The following GPD2 variants were observed in gnomAD, a reference collection of about 807,000 sequenced individuals.
GPD2 encodes glycerol-3-phosphate dehydrogenase 2, also known as glycerol-3-phosphate dehydrogenase, mitochondrial.
GPD2 carries 54 observed loss-of-function variants against 82.4 expected under a neutral mutation model. The ratio of observed to expected loss-of-function variants is 0.66; its 90% CI spans 0.53 to 0.82. The LOEUF (loss-of-function observed/expected upper bound fraction) is 0.82. Ranked by LOEUF, GPD2 falls within the 40% of genes least tolerant of loss-of-function variation. The pLI is 0.00. For missense variants in GPD2, 748 were observed against 896.2 expected (o/e 0.83, Z 2.11); for synonymous variants, 288 against 306.1 (o/e 0.94, Z 0.62).
intron 8 of GPD2, among the ~76,000 whole-genome samples, chr2:156,551,743 A>G (rs1686766737): frequency 1.3e-5 from 2 of 152,214 alleles, no homozygotes; most frequent in South Asian, 2.1e-4. Flanking sequence ...ATGCCCTAGG[A>G]AAACACTAAT....
intron 6 of GPD2, among the ~76,000 whole-genome samples, chr2:156,522,967 A>AT (rs1406914323): frequency 6.6e-6 from 1 of 151,690 alleles, no homozygotes; most frequent in Non-Finnish European, 1.5e-5. Context: ...TCACAACAAA[A>AT]TTGAGAGAAA....
chr2:156,556,370 C>G (rs1488468219), intron 8 of GPD2, among the ~76,000 whole-genome samples: 1 of 152,146 alleles, frequency 6.6e-6, no homozygotes, highest in African/African-American at 2.4e-5. Flanking sequence ...TTGTAGTGTT[C>G]TACTTGAATA....
At chr2:156,449,480 G>A (rs1273150175) in intron 1 of GPD2, among the ~76,000 whole-genome samples, 2 of 152,140 alleles carry the variant, frequency 1.3e-5, no homozygotes, top group Non-Finnish European at 2.9e-5. Context: ...TAAATGCTAA[G>A]AAGATTTTGT....
chr2:156,558,137 C>T lies in GPD2; in HGVS notation c.1165+555C>T, dbSNP rs149501830. Reference sequence around the variant, plus strand: ...GGGCATTTCAACTTGACTGTCAGAGCATTTTCCTTGGTGATTTATATAGTT... The same window carrying T: ...GGGCATTTCAACTTGACTGTCAGAGTATTTTCCTTGGTGATTTATATAGTT... On this transcript the variant is annotated intron_variant, in intron 9 of 16. Coordinates refer to ENST00000438166, the MANE Select transcript of GPD2 (RefSeq NM_000408.5). Among the ~76,000 whole-genome samples, 20 of 152,282 alleles carry T rather than the reference C, an allele frequency of 1.3e-4. No homozygotes were observed. In the East Asian group the frequency reaches 1.7e-3, roughly 13 times the overall value.
chr2:156,424,101 G>T, the GPD2 span, among the ~76,000 whole-genome samples: 2 of 151,988 alleles, frequency 1.3e-5, no homozygotes, highest in African/African-American at 2.4e-5. Context: ...TGGCGCAGTT[G>T]GATAAGCAGC....
In GPD2 at chr2:156,549,821, T is replaced by C. The variant is rs79413472; in HGVS notation, c.826+49T>C. 4.4e-3 allele frequency: 5,785 copies of C among 1,318,420 alleles called. 200 individuals carry two copies. In the African/African-American group the frequency reaches 0.074, roughly 17 times the overall value. The allele number at this position is 1,318,420 out of a possible 1,614,324, so 81.7% of individuals were successfully genotyped here. A position where few individuals can be genotyped will look rare whatever the true frequency, so the allele number is the denominator to read the frequency against. ...GGTATTTCTTAGTATCTTGCCTAGC[T>C]TATATAATGACTGAATTATAATTTT... On this transcript the variant is annotated intron_variant, in intron 7 of 16. Transcript: ENST00000438166.
chr2:156,422,679 C>A, the GPD2 span, among the ~76,000 whole-genome samples: 4 of 151,056 alleles, frequency 2.6e-5, no homozygotes, highest in African/African-American at 9.7e-5. Flanking sequence ...TTGCAGTGAG[C>A]AGAGATTGCG....
chr2:156,557,392 A>C lies in GPD2; in HGVS notation c.975A>C (p.Pro325=). The C allele has an allele frequency of 6.3e-7, 1 of 1,587,810 alleles. No homozygotes were observed. The highest frequency in any genetic ancestry group is 2.2e-5 in the East Asian group (1 of 44,740). Residue 325 remains proline, a synonymous_variant, in exon 9 of 17, where the codon CCA becomes CCC. Coordinates refer to ENST00000438166, the MANE Select transcript of GPD2 (RefSeq NM_000408.5). ...VHIVMPGYYS[P]ESMGLLDPAT... is the part of the protein sequence containing the mutation. ...ATAATCCTTCTTTGTATCTCAGCCC[A>C]GAGAGCATGGGACTTCTTGACCCAG... is the stretch of plus-strand genomic sequence containing the variant.
At chr2:156,426,133 C>T in the GPD2 span, among the ~76,000 whole-genome samples, 1 of 151,912 alleles carries the variant, frequency 6.6e-6, no homozygotes, top group African/African-American at 2.4e-5. Context: ...CCGTTTTAGC[C>T]GGGATAGTCT....
At chr2:156,573,741 A>G (rs1687720984) in intron 13 of GPD2, among the ~76,000 whole-genome samples, 4 of 152,196 alleles carry the variant, frequency 2.6e-5, no homozygotes, top group Admixed American at 1.3e-4. Context: ...ATTACTCAGT[A>G]TCTGAGATGT....
the GPD2 span, among the ~76,000 whole-genome samples, chr2:156,406,170 T>C: frequency 2.0e-5 from 3 of 152,140 alleles, no homozygotes; most frequent in African/African-American, 7.2e-5. Context: ...CTTTACTGGC[T>C]GGGAATTAAA....
At chr2:156,502,104 ATG>A (rs10539711) in intron 3 of GPD2, among the ~76,000 whole-genome samples, 94,690 of 150,548 alleles carry the variant, frequency 0.63, 30,222 homozygotes, top group East Asian at 0.8. Flanking sequence ...ATATATATGC[ATG>A]TGTGTGTGTG....
At chr2:156,475,960 T>A in intron 1 of GPD2, 138 bp from the exon 2 acceptor site, 1 of 627,814 alleles carries the variant, frequency 1.6e-6, no homozygotes, top group South Asian at 1.8e-5. Context: ...ACACATTGGT[T>A]TGTTAGTAAT....
intron 1 of GPD2, among the ~76,000 whole-genome samples, chr2:156,443,656 G>C (rs1682257396): frequency 6.6e-6 from 1 of 152,028 alleles, no homozygotes; most frequent in Non-Finnish European, 1.5e-5. Flanking sequence ...AGGATATTTA[G>C]GAGAGGGAAG....
chr2:156,475,442 C>T (rs1053008396), intron 1 of GPD2, among the ~76,000 whole-genome samples: 2 of 152,126 alleles, frequency 1.3e-5, no homozygotes, highest in African/African-American at 4.8e-5. Flanking sequence ...GATTCTCCTG[C>T]CTCAGCCTCC....
the GPD2 span, among the ~76,000 whole-genome samples, chr2:156,419,971 T>TG: frequency 3.3e-5 from 5 of 152,198 alleles, no homozygotes; most frequent in Admixed American, 3.3e-4. Context: ...AATTGTAGAA[T>TG]ACACAAATGT....
chr2:156,572,779 G>A (rs1215999409), intron 13 of GPD2, among the ~76,000 whole-genome samples: 1 of 152,118 alleles, frequency 6.6e-6, no homozygotes, highest in Non-Finnish European at 1.5e-5. Flanking sequence ...GATGCAAGAG[G>A]GAGTTTTGAC....
intron 1 of GPD2, among the ~76,000 whole-genome samples, chr2:156,453,171 G>A (rs1420844658): frequency 6.6e-6 from 1 of 152,198 alleles, no homozygotes; most frequent in African/African-American, 2.4e-5. Context: ...CTGTTTGGGT[G>A]GAGATGTGAA....
chr2:156,408,695 G>C, the GPD2 span, among the ~76,000 whole-genome samples: 2 of 142,620 alleles, frequency 1.4e-5, no homozygotes, highest in African/African-American at 5.3e-5. Context: ...AGCTGTGATT[G>C]CCCCACTGCA....
Sources: allele counts gnomAD v4.1 joint callset (sites outside exome capture counted in the v4.1 genomes callset), GRCh38; gene constraint gnomAD v4.1.1; transcripts MANE v1.5; gene names NCBI Gene and HGNC (gene_info 2026-07-23, HGNC 2026-07-21).